The following EVC2 variants were observed in gnomAD, a reference collection of about 807,000 sequenced individuals.
The protein encoded by EVC2 is limbin.
Under a neutral mutation model 149.3 loss-of-function variants are expected in EVC2, and 148 were observed. That is an observed-to-expected ratio of 0.99 (90% CI 0.87 to 1.14). The LOEUF (loss-of-function observed/expected upper bound fraction) is 1.14, where lower values mean the gene tolerates loss of function less well. Among genes scored for constraint, EVC2 ranks in the 50% most tolerant of loss-of-function variants. The pLI, the probability that EVC2 is intolerant of heterozygous loss-of-function variation, is 0.00. For missense variants in EVC2, 1,854 were observed against 1,627.3 expected, an observed-to-expected ratio of 1.14 and a Z score of -2.40; for synonymous variants, 776 against 649.9, an observed-to-expected ratio of 1.19 and a Z score of -2.95.
chr4:5,616,742 G>A (rs1354273685), intron 15 of EVC2, among the ~76,000 whole-genome samples: 2 of 152,236 alleles, frequency 1.3e-5, no homozygotes, highest in African/African-American at 4.8e-5. Context: ...GGCTCCATCC[G>A]TGCAAAAGCC....
intron 1 of EVC2, among the ~76,000 whole-genome samples, chr4:5,700,725 T>C (rs1051959036): frequency 3.3e-5 from 5 of 152,140 alleles, no homozygotes; most frequent in East Asian, 1.9e-4. Context: ...ACCGCTCCCA[T>C]AGGCACCATG....
At position 5,594,281 on chromosome 4, in the gene EVC2, C is replaced by CT. The variant is rs555982444; in HGVS notation, c.2830-9432dup. 3.9e-5 allele frequency among the ~76,000 whole-genome samples: 6 copies of CT among 152,334 alleles called. No homozygotes were observed. In the East Asian group the frequency reaches 1.2e-3, roughly 30 times the overall value. On this transcript the variant is annotated intron_variant, in intron 16 of 21. Transcript: ENST00000344408. ...GCAGACTGCTTCCTCAAGTGGGTGC[C>CT]TGACCCCTGACCCCCGAGCAGCCTA... is the stretch of plus-strand genomic sequence containing the variant.
chr4:5,636,041 G>A lies in EVC2; in HGVS notation c.1471-4009C>T, dbSNP rs973777231. Among the ~76,000 whole-genome samples the A allele has an allele frequency of 7.9e-5, 12 of 152,134 alleles. No homozygotes were observed. The highest frequency in any genetic ancestry group is 1.4e-4 in the African/African-American group (6 of 41,412). On this transcript the variant is annotated intron_variant, in intron 10 of 21. Coordinates refer to ENST00000344408, the MANE Select transcript of EVC2 (RefSeq NM_147127.5). The surrounding 1 kb of genome is among the most constrained non-coding windows in gnomAD (Gnocchi z 4.6). ...CCTTGTCCAAGGTTGACTCAGCGCC[G>A]AGCAATGGCTGAAGTACTATACGAG...
rs1291370512 is a variant in EVC2, at chr4:5,568,554, T to G, written c.3447A>C (p.Thr1149=). Residue 1149 remains threonine (T), a synonymous_variant, in exon 20 of 22, where the codon ACA becomes ACC. Coordinates refer to ENST00000344408, the MANE Select transcript of EVC2 (RefSeq NM_147127.5). ...GGGCCAGCAGCTGAGGCTGTGAGGC[T>G]GTGGGCAGTACCACACTCAGGAGCC... ...LRRLLSVVLP[T]ASQPQLLALL... is the part of the protein sequence containing the mutation. 6 of 1,604,972 alleles carry G rather than the reference T, an allele frequency of 3.7e-6. No individual in the cohort carries two copies. The South Asian group carries it at 6.7e-5, about 18-fold the overall frequency.
At chr4:5,593,198 T>A (rs1294047787) in intron 16 of EVC2, among the ~76,000 whole-genome samples, 1 of 152,152 alleles carries the variant, frequency 6.6e-6, no homozygotes, top group Non-Finnish European at 1.5e-5. Flanking sequence ...GTCCTTATAG[T>A]AGTGTGAGAA....
At chr4:5,631,197 A>G (rs1358223787) in intron 11 of EVC2, among the ~76,000 whole-genome samples, 2 of 152,208 alleles carry the variant, frequency 1.3e-5, no homozygotes, top group African/African-American at 4.8e-5. Flanking sequence ...TAAACCCTAC[A>G]TATACATCAA....
chr4:5,593,353 G>C (rs1293292092), intron 16 of EVC2, among the ~76,000 whole-genome samples: 1 of 152,084 alleles, frequency 6.6e-6, no homozygotes, highest in Non-Finnish European at 1.5e-5. Flanking sequence ...CTGCTCTAAA[G>C]CTTTTCAATA....
the EVC2 span, among the ~76,000 whole-genome samples, chr4:5,535,479 C>T: frequency 5.3e-5 from 8 of 152,064 alleles, no homozygotes; most frequent in Admixed American, 5.2e-4. This position sits in a 1 kb window ranked among gnomAD's most constrained non-coding sequence, Gnocchi z 4.7. Flanking sequence ...TTGGCTCGGA[C>T]TGCTATAACA....
chr4:5,655,192 A>G (rs150652072), intron 9 of EVC2, among the ~76,000 whole-genome samples: 17 of 152,304 alleles, frequency 1.1e-4, no homozygotes, highest in African/African-American at 4.1e-4. Context: ...GAACCCCGTC[A>G]TGTCAGGTGC....
At chr4:5,582,795 C>T (rs576885518) in intron 17 of EVC2, among the ~76,000 whole-genome samples, 7 of 152,280 alleles carry the variant, frequency 4.6e-5, no homozygotes, top group South Asian at 4.1e-4. Flanking sequence ...TTGTTCAGCA[C>T]GATCCCTTCG....
At chr4:5,554,160 G>A (rs1045238596) in intron 21 of EVC2, among the ~76,000 whole-genome samples, 1 of 152,170 alleles carries the variant, frequency 6.6e-6, no homozygotes, top group African/African-American at 2.4e-5. Flanking sequence ...GGAAAAAGTT[G>A]AGAAAACTGA....
chr4:5,620,463 G>C (rs1236242580), intron 14 of EVC2, among the ~76,000 whole-genome samples: 1 of 152,190 alleles, frequency 6.6e-6, no homozygotes, highest in Non-Finnish European at 1.5e-5. Context: ...CTCTTGCAAA[G>C]ATATTCCTCA....
intron 7 of EVC2, among the ~76,000 whole-genome samples, 198 bp from the exon 8 acceptor site, chr4:5,665,847 T>C (rs1246702462): frequency 1.3e-5 from 2 of 152,190 alleles, no homozygotes; most frequent in Non-Finnish European, 2.9e-5. Flanking sequence ...CCTCAGTGCA[T>C]GACAAGCCTG....
chr4:5,609,134 T>G (rs1181878617), intron 16 of EVC2, among the ~76,000 whole-genome samples: 1 of 152,088 alleles, frequency 6.6e-6, no homozygotes, highest in Non-Finnish European at 1.5e-5. Context: ...ACAGTGGACC[T>G]TCTCAGCCTC....
At chr4:5,627,653 C>T (rs1187544740) in intron 12 of EVC2, among the ~76,000 whole-genome samples, 1 of 152,148 alleles carries the variant, frequency 6.6e-6, no homozygotes, top group African/African-American at 2.4e-5. Flanking sequence ...TAAGTCACCT[C>T]AAAGAATAGC....
chr4:5,580,079 G>A (rs1181580395), intron 17 of EVC2, among the ~76,000 whole-genome samples: 1 of 150,844 alleles, frequency 6.6e-6, no homozygotes. Context: ...CAGATGAGGT[G>A]CACTTGATAT....
In EVC2 at chr4:5,622,950, G is replaced by C. The variant is rs1460893645; in HGVS notation, c.2088C>G (p.Ala696=). 3 of 1,613,982 alleles carry C rather than the reference G, an allele frequency of 1.9e-6. No homozygotes were observed. ...GGCCGGCATCCTCAACCGTTCGGAA[G>C]GCCTCGCCGACGGACGCCTGCTCCC... ...QRREQASVGE[A]FRTVEDAGQY... Residue 696 remains alanine (A), a synonymous_variant, in exon 14 of 22, where the codon GCC becomes GCG. Coordinates refer to ENST00000344408, the MANE Select transcript of EVC2 (RefSeq NM_147127.5). The surrounding 1 kb of genome is among the most constrained non-coding windows in gnomAD (Gnocchi z 5.8).
Position 5,640,490 on chromosome 4 carries a change from G to A in EVC2, c.1470+24C>T, listed in dbSNP as rs370547847. ...ATCCCTGAGAGAAAGGGAAGTGAAC[G>A]CCTTCCTTTCAGACCTGTCTTACCC... On this transcript the variant is annotated intron_variant, in intron 10 of 21. Coordinates refer to ENST00000344408, the MANE Select transcript of EVC2 (RefSeq NM_147127.5). This position sits in a 1 kb window ranked among gnomAD's most constrained non-coding sequence, Gnocchi z 4.6. 61 of 1,612,460 alleles carry A rather than the reference G, an allele frequency of 3.8e-5. No homozygotes were observed. Among genetic ancestry groups the A allele is most frequent in the African/African-American group, 1.6e-4 (12 of 74,922 alleles).
chr4:5,691,149 G>T, intron 4 of EVC2, 116 bp downstream of exon 4: 2 of 896,216 alleles, frequency 2.2e-6, no homozygotes, highest in South Asian at 1.4e-5. Context: ...CATGTGTCTA[G>T]ACTTGTGTAG....
Sources: allele counts gnomAD v4.1 joint callset (sites outside exome capture counted in the v4.1 genomes callset), GRCh38; gene constraint gnomAD v4.1.1; non-coding constraint Gnocchi (gnomAD v3.1); transcripts MANE v1.5; gene names NCBI Gene and HGNC (gene_info 2026-07-23, HGNC 2026-07-21).